COL5A2: variants seen among roughly 807,000 people sequenced by gnomAD.
COL5A2 encodes collagen alpha-2(V) chain.
COL5A2 carries 23 observed loss-of-function variants against 208.2 expected under a neutral mutation model. That is an observed-to-expected ratio of 0.11 (90% confidence interval 0.08 to 0.16). The LOEUF (loss-of-function observed/expected upper bound fraction) is 0.16, where lower values mean the gene tolerates loss of function less well. Among genes scored for constraint, COL5A2 ranks in the 10% least tolerant of loss-of-function variants. The pLI is 1.00. For synonymous variants in COL5A2, 625 were observed against 628.5 expected (o/e 0.99, Z 0.08); for missense variants, 1,590 against 1,956.4 (o/e 0.81, Z 3.53).
intron 3 of COL5A2, among the ~76,000 whole-genome samples, chr2:189,103,807 A>G (rs1387492266): frequency 1.3e-5 from 2 of 152,010 alleles, no homozygotes; most frequent in Admixed American, 1.3e-4. Flanking sequence ...TTCCCAACCA[A>G]TGAGAGAGGG....
At chr2:189,206,391 C>T (rs1274814863) in intron 1 of COL5A2, among the ~76,000 whole-genome samples, 1 of 152,184 alleles carries the variant, frequency 6.6e-6, no homozygotes, top group Non-Finnish European at 1.5e-5. Context: ...TCAGCTTGAA[C>T]AGAGGGCACA....
chr2:189,268,949 G>A, the COL5A2 span, among the ~76,000 whole-genome samples: 2 of 152,000 alleles, frequency 1.3e-5, no homozygotes, highest in Non-Finnish European at 2.9e-5. Context: ...AGAAGATCAC[G>A]TGTGTCTCTA....
intron 1 of COL5A2, among the ~76,000 whole-genome samples, chr2:189,174,826 C>G (rs1164564834): frequency 6.6e-6 from 1 of 152,096 alleles, no homozygotes; most frequent in Non-Finnish European, 1.5e-5. Flanking sequence ...ATGAATCTAC[C>G]AATGTACATA....
At chr2:189,117,822 A>AGAATTATAG (rs1687423923) in intron 1 of COL5A2, among the ~76,000 whole-genome samples, 1 of 152,062 alleles carries the variant, frequency 6.6e-6, no homozygotes, top group Non-Finnish European at 1.5e-5. Flanking sequence ...ACCCCATGAT[A>AGAATTATAG]GAATTATAGC....
chr2:189,062,940 T>A, intron 28 of COL5A2, 22 bp from the exon 29 acceptor site: 1 of 1,614,150 alleles, frequency 6.2e-7, no homozygotes. Context: ...CACAGATATT[T>A]GTGAGGTGAG....
intron 1 of COL5A2, among the ~76,000 whole-genome samples, chr2:189,153,351 C>A (rs746432195): frequency 4.6e-5 from 7 of 152,122 alleles, no homozygotes; most frequent in Non-Finnish European, 1.0e-4. Flanking sequence ...ATTATAACCT[C>A]CATTCTACAG....
chr2:189,329,664 A>T, the COL5A2 span, among the ~76,000 whole-genome samples: 1 of 152,200 alleles, frequency 6.6e-6, no homozygotes, highest in South Asian at 2.1e-4. Context: ...ACATTAAAAA[A>T]TAAGATAAAA....
At chr2:189,095,123 C>T (rs746766236) in intron 6 of COL5A2, 9 of 144,534 alleles carry the variant, frequency 6.2e-5, no homozygotes, top group Non-Finnish European at 1.2e-4. Flanking sequence ...GTGAGCCTTC[C>T]GTACTGTTTG....
At chr2:189,060,960 C>T (rs1686017949) in intron 30 of COL5A2, among the ~76,000 whole-genome samples, 177 bp from the exon 31 acceptor site, 3 of 151,760 alleles carry the variant, frequency 2.0e-5, no homozygotes, top group Non-Finnish European at 4.4e-5. Flanking sequence ...AAAAGACTAC[C>T]AATAAAACAC....
At position 189,032,054 on chromosome 2, in the gene COL5A2, A is replaced by C. The variant is rs1685345393; in HGVS notation, c.*2016T>G. ...ATATAATCTTATAGTTTGGACTTGG[A>C]AGTCAAACAAAACTCACACATGTAT... is the stretch of plus-strand genomic sequence containing the variant. On this transcript the variant is annotated 3_prime_UTR_variant, in exon 54 of 54. Coordinates refer to ENST00000374866, the MANE Select transcript of COL5A2 (RefSeq NM_000393.5). 6.6e-6 allele frequency: 1 copy of C among 152,158 alleles called. No homozygotes were observed. The highest frequency in any genetic ancestry group is 6.6e-5 in the Admixed American group (1 of 15,254). The allele number at this position is 152,158 out of a possible 1,614,324, so 9.4% of individuals were successfully genotyped here.
At chr2:189,136,576 G>C (rs1432852457) in intron 1 of COL5A2, among the ~76,000 whole-genome samples, 4 of 150,646 alleles carry the variant, frequency 2.7e-5, no homozygotes, top group Non-Finnish European at 5.9e-5. Context: ...GTGTTTGTAT[G>C]TTTACACAGA....
At chr2:189,316,938 C>T in the COL5A2 span, among the ~76,000 whole-genome samples, 1 of 151,902 alleles carries the variant, frequency 6.6e-6, no homozygotes. Flanking sequence ...GAGATGAAGA[C>T]CCCATTCTCC....
rs565137665 is a variant in COL5A2 at position 189,092,298 on chromosome 2, C to A, written c.567+12G>T. 2 of 1,532,510 alleles carry A rather than the reference C, an allele frequency of 1.3e-6. No individual in the cohort carries two copies. The highest frequency in any genetic ancestry group is 2.3e-5 in the East Asian group (1 of 44,040). The allele number at this position is 1,532,510 out of a possible 1,614,324, so 94.9% of individuals were successfully genotyped here. A position where few individuals can be genotyped will look rare whatever the true frequency, so the allele number is the denominator to read the frequency against. ...GACCTGTACGTGACATCAAACAATG[C>A]ACACAACTCACCCTGCTCAAGCCAT... On this transcript the variant is annotated intron_variant, in intron 7 of 53. Coordinates refer to ENST00000374866, the MANE Select transcript of COL5A2 (RefSeq NM_000393.5).
At chr2:189,257,456 A>C in the COL5A2 span, among the ~76,000 whole-genome samples, 2 of 152,166 alleles carry the variant, frequency 1.3e-5, no homozygotes, top group African/African-American at 4.8e-5. Context: ...ATATGGAAAA[A>C]CATACTCTGA....
the COL5A2 span, among the ~76,000 whole-genome samples, chr2:189,294,557 T>C: frequency 6.6e-6 from 1 of 152,154 alleles, no homozygotes; most frequent in African/African-American, 2.4e-5. Context: ...ATTCTTAACA[T>C]AATCACTTTC....
chr2:189,037,346 G>A (rs1411795561), intron 51 of COL5A2, among the ~76,000 whole-genome samples: 2 of 152,146 alleles, frequency 1.3e-5, no homozygotes, highest in African/African-American at 4.8e-5. Context: ...CTGGTGGTAG[G>A]CATACAGTCA....
chr2:189,330,726 T>C, the COL5A2 span, among the ~76,000 whole-genome samples: 1 of 152,182 alleles, frequency 6.6e-6, no homozygotes, highest in South Asian at 2.1e-4. Context: ...AGCTAGTGAT[T>C]AAATTAAGTA....
chr2:189,269,476 T>C, the COL5A2 span, among the ~76,000 whole-genome samples: 1 of 152,210 alleles, frequency 6.6e-6, no homozygotes, highest in Non-Finnish European at 1.5e-5. Context: ...GAAGGCCTTT[T>C]CTGCATCTAT....
chr2:189,172,947 ATTG>A lies in COL5A2; in HGVS notation c.97+6558_97+6560del, dbSNP rs141694967. 8.0e-3 allele frequency among the ~76,000 whole-genome samples: 1,160 copies of A among 145,204 alleles called. 4 individuals carry two copies. Among genetic ancestry groups the A allele is most frequent in the Non-Finnish European group, 0.013 (884 of 66,560 alleles). ...GATTAATTAATTAATATTAATTAAT[ATTG>A]TTAACATTTTTCCTCTTCTTTTTTT... On this transcript the variant is annotated intron_variant, in intron 1 of 53. Coordinates refer to ENST00000374866, the MANE Select transcript of COL5A2 (RefSeq NM_000393.5).
Sources: allele counts gnomAD v4.1 joint callset (sites outside exome capture counted in the v4.1 genomes callset), GRCh38; gene constraint gnomAD v4.1.1; transcripts MANE v1.5; gene names NCBI Gene and HGNC (gene_info 2026-07-23, HGNC 2026-07-21).